Variants in MON2 observed in about 807,000 individuals in gnomAD.
The protein encoded by MON2 is MON2 regulator of endosome-to-Golgi trafficking, also known as protein MON2 homolog.
MON2 carries 84 observed loss-of-function variants against 208.6 expected under a neutral mutation model. That is an observed-to-expected ratio of 0.40 (90% confidence interval 0.34 to 0.48). MON2 has a LOEUF of 0.48. Among genes scored for constraint, MON2 ranks in the 20% least tolerant of loss-of-function variants. The probability of loss-of-function intolerance (pLI) is 0.59; values close to 1 mark genes in which losing one functional copy is unlikely to be tolerated. For synonymous variants in MON2, 660 were observed against 694.0 expected, an observed-to-expected ratio of 0.95 and a Z score of 0.77; for missense variants, 1,611 against 2,015.4, an observed-to-expected ratio of 0.80 and a Z score of 3.84.
At chr12:62,518,467 G>C (rs2071816764) in intron 8 of MON2, among the ~76,000 whole-genome samples, 1 of 151,962 alleles carries the variant, frequency 6.6e-6, no homozygotes, top group African/African-American at 2.4e-5. Flanking sequence ...TAATTTTTTA[G>C]GCTCCATAAC....
At chr12:62,523,910 C>T (rs987498081) in intron 8 of MON2, among the ~76,000 whole-genome samples, 2 of 152,052 alleles carry the variant, frequency 1.3e-5, no homozygotes, top group African/African-American at 4.8e-5. Flanking sequence ...TTGGGTGTGC[C>T]TTGAACATTA....
At chr12:62,560,324 G>T in intron 25 of MON2, 167 bp from the exon 26 acceptor site, 1 of 629,524 alleles carries the variant, frequency 1.6e-6, no homozygotes, top group Non-Finnish European at 2.5e-6. Flanking sequence ...TCTAGGTTGT[G>T]ATAATTTTAA....
rs566645608 is a variant in MON2 at position 62,520,353 on chromosome 12, T to C, written c.985-4162T>C. Among the ~76,000 whole-genome samples, 13 of 152,314 alleles carry C rather than the reference T, an allele frequency of 8.5e-5. No individual in the cohort carries two copies. The South Asian group carries it at 2.7e-3, about 32-fold the overall frequency. ...TAGGGTAGATACAAGTTTTTTTAAA[T>C]TCTGATTTTTGTTTGAAAGCTCAAA... On this transcript the variant is annotated intron_variant, in intron 8 of 34. Coordinates refer to ENST00000393630, the MANE Select transcript of MON2 (RefSeq NM_015026.3).
intron 8 of MON2, among the ~76,000 whole-genome samples, chr12:62,509,780 C>G (rs1233146272): frequency 1.3e-5 from 2 of 151,120 alleles, no homozygotes; most frequent in Non-Finnish European, 2.9e-5. Flanking sequence ...AATTAAACAA[C>G]ATACTAGTTA....
intron 26 of MON2, among the ~76,000 whole-genome samples, chr12:62,564,741 CT>C (rs2074316353): frequency 6.6e-6 from 1 of 152,058 alleles, no homozygotes; most frequent in East Asian, 1.9e-4. Flanking sequence ...CCATACATTT[CT>C]TTTAGAAACA....
intron 29 of MON2, among the ~76,000 whole-genome samples, chr12:62,569,341 A>G (rs143050838): frequency 1.6e-4 from 25 of 152,288 alleles, no homozygotes; most frequent in Admixed American, 3.9e-4. Flanking sequence ...ACTAGCTTTA[A>G]CAATAAAGGG....
chr12:62,492,632 A>G (rs1480527978), intron 2 of MON2, among the ~76,000 whole-genome samples: 1 of 146,130 alleles, frequency 6.8e-6, no homozygotes, highest in South Asian at 2.2e-4. Flanking sequence ...CGGCCTCCCA[A>G]AGTGCTGGGA....
chr12:62,488,326 G>C (rs1325694644), intron 2 of MON2, among the ~76,000 whole-genome samples: 3 of 152,136 alleles, frequency 2.0e-5, no homozygotes, highest in Non-Finnish European at 4.4e-5. Flanking sequence ...CTGGAAGCCT[G>C]AGGAAGACTT....
chr12:62,515,203 A>G (rs1313465243), intron 8 of MON2, among the ~76,000 whole-genome samples: 1 of 152,242 alleles, frequency 6.6e-6, no homozygotes, highest in Non-Finnish European at 1.5e-5. Context: ...TCATTGTCGC[A>G]TTTTTGTAAT....
Position 62,553,122 on chromosome 12 carries a change from G to A in MON2, c.3158G>A (p.Gly1053Asp). Residue 1053 changes from glycine to aspartate, a missense_variant, in exon 24 of 35, where the codon GGT becomes GAT. Coordinates refer to ENST00000393630, the MANE Select transcript of MON2 (RefSeq NM_015026.3). Reference sequence around the variant, plus strand: ...GGGCAAACTCTGTTTTCTACAATTGGTGCGCATGGAACTTTATTACAGCAT... The same window carrying A: ...GGGCAAACTCTGTTTTCTACAATTGATGCGCATGGAACTTTATTACAGCAT... ...SAGQTLFSTI[G>D]AHGTLLQHST... The A allele has an allele frequency of 1.2e-6, 2 of 1,614,120 alleles. No homozygotes were observed. Among genetic ancestry groups the A allele is most frequent in the Non-Finnish European group, 1.7e-6 (2 of 1,180,012 alleles).
chr12:62,597,688 C>T lies in MON2; in HGVS notation c.*4939C>T, dbSNP rs2075555883. 1 of 152,138 alleles carries T rather than the reference C, an allele frequency of 6.6e-6. No homozygotes were observed. The highest frequency in any genetic ancestry group is 6.6e-5 in the Admixed American group (1 of 15,266). The allele number at this position is 152,138 out of a possible 1,614,324, so 9.4% of individuals were successfully genotyped here. ...ATTCAGCACCTAAATTTGGAATAAT[C>T]ATGTCTTTTCTGTTATGTGGGTAGA... On this transcript the variant is annotated 3_prime_UTR_variant, in exon 35 of 35. Transcript: ENST00000393630.
chr12:62,509,493 C>T (rs1360902710), intron 8 of MON2, among the ~76,000 whole-genome samples: 1 of 152,142 alleles, frequency 6.6e-6, no homozygotes, highest in African/African-American at 2.4e-5. Context: ...AACAACCAGA[C>T]ATAAGACTAA....
At chr12:62,534,511 T>C (rs1592323953) in intron 12 of MON2, among the ~76,000 whole-genome samples, 3 of 49,116 alleles carry the variant, frequency 6.1e-5, no homozygotes, top group Admixed American at 3.3e-4. Flanking sequence ...AGAGCAAGAC[T>C]CCATCGCAAA....
At chr12:62,499,156 C>A in intron 5 of MON2, 108 bp downstream of exon 5, 2 of 1,122,288 alleles carry the variant, frequency 1.8e-6, no homozygotes, top group Middle Eastern at 6.4e-4. Flanking sequence ...TCTATAATGG[C>A]AACTTAAAAA....
At chr12:62,548,017 C>A (rs1221013209) in intron 22 of MON2, among the ~76,000 whole-genome samples, 1 of 152,070 alleles carries the variant, frequency 6.6e-6, no homozygotes, top group Non-Finnish European at 1.5e-5. Flanking sequence ...AAATAAGAAA[C>A]CTTCAGCAGG....
rs1206355383 is a variant in MON2, at chr12:62,508,590, T to G, written c.984+110T>G. The G allele has an allele frequency of 4.5e-6, 4 of 897,654 alleles. No individual in the cohort carries two copies. The African/African-American group carries it at 5.0e-5, about 11-fold the overall frequency. 55.6% of individuals were successfully genotyped at this position (897,654 alleles called of 1,614,324 possible). A position where few individuals can be genotyped will look rare whatever the true frequency, so the allele number is the denominator to read the frequency against. ...TTTTTTCAATTCAGTTCAACAGAAT[T>G]TTTTTGAGTACCTACGTGTAGTCTA... On this transcript the variant is annotated intron_variant, in intron 8 of 34. Coordinates refer to ENST00000393630, the MANE Select transcript of MON2 (RefSeq NM_015026.3).
In MON2 at chr12:62,467,046, T is replaced by TG; in HGVS notation, c.-157dup. 1.7e-6 allele frequency: 1 copy of TG among 588,344 alleles called. No homozygotes were observed. The highest frequency in any genetic ancestry group is 3.0e-6 in the Non-Finnish European group (1 of 333,240). 36.4% of individuals were successfully genotyped at this position (588,344 alleles called of 1,614,324 possible). A position where few individuals can be genotyped will look rare whatever the true frequency, so the allele number is the denominator to read the frequency against. ...GCCAGAGGTGTTGCGGGGAAGCTGCTGGGGGACGCTCGAGCAGGCTCCGGG... is the reference window on the plus strand; with the variant it reads ...GCCAGAGGTGTTGCGGGGAAGCTGCTGGGGGGACGCTCGAGCAGGCTCCGGG... On this transcript the variant is annotated 5_prime_UTR_variant, in exon 1 of 35. Coordinates refer to ENST00000393630, the MANE Select transcript of MON2 (RefSeq NM_015026.3).
At chr12:62,533,574 C>T (rs969112733) in intron 12 of MON2, among the ~76,000 whole-genome samples, 1 of 152,148 alleles carries the variant, frequency 6.6e-6, no homozygotes, top group Non-Finnish European at 1.5e-5. Context: ...TGTCCCATGC[C>T]CTTTTGACAT....
At chr12:62,470,746 G>T in intron 1 of MON2, 1 of 1,137,024 alleles carries the variant, frequency 8.8e-7, no homozygotes, top group Non-Finnish European at 1.1e-6. Context: ...TGGAGGAGGG[G>T]AGTCATTCCT....
Sources: gnomAD v4.1 joint callset for allele counts (sites outside exome capture counted in the v4.1 genomes callset) on GRCh38, gnomAD v4.1.1 for gene constraint, MANE v1.5 for transcripts, NCBI Gene and HGNC (gene_info 2026-07-23, HGNC 2026-07-21) for gene names.